PARN: variants seen among roughly 807,000 people sequenced by gnomAD.
The protein encoded by PARN is poly(A)-specific ribonuclease.
PARN carries 71 observed loss-of-function variants against 102.8 expected under a neutral mutation model. The ratio of observed to expected loss-of-function variants is 0.69; its 90% confidence interval spans 0.57 to 0.84. The LOEUF (loss-of-function observed/expected upper bound fraction) is 0.84, where lower values mean the gene tolerates loss of function less well. Among genes scored for constraint, PARN ranks in the 40% least tolerant of loss-of-function variants. PARN has a pLI of 0.00. For synonymous variants in PARN, 261 were observed against 252.9 expected (o/e 1.03, Z -0.30); for missense variants, 782 against 760.9 (o/e 1.03, Z -0.33).
chr16:14,463,123 C>G (rs1962089276), intron 22 of PARN, among the ~76,000 whole-genome samples: 1 of 152,190 alleles, frequency 6.6e-6, no homozygotes, highest in Non-Finnish European at 1.5e-5. Context: ...AACGCCTGTT[C>G]CCACCAGCTA....
chr16:14,604,351 C>A (rs1971061793), intron 10 of PARN, 125 bp from the exon 11 acceptor site: 2 of 630,586 alleles, frequency 3.2e-6, no homozygotes, highest in South Asian at 3.9e-5. Context: ...AACTCCGCCT[C>A]CTGGGTTCAA....
chr16:14,520,748 T>C (rs1965694990), intron 21 of PARN, among the ~76,000 whole-genome samples: 1 of 151,928 alleles, frequency 6.6e-6, no homozygotes, highest in South Asian at 2.1e-4. Context: ...TATTTCCCAG[T>C]GAATACAATA....
At chr16:14,625,321 A>G (rs1056851493) in intron 5 of PARN, among the ~76,000 whole-genome samples, 2 of 152,110 alleles carry the variant, frequency 1.3e-5, no homozygotes, top group Non-Finnish European at 2.9e-5. Flanking sequence ...AACATGGAGA[A>G]GCCTCACCTC....
rs1596657576 is a variant in PARN at position 14,555,713 on chromosome 16, C to T, written c.1263-4G>A. ...CATGACCCTCATAAGAAATAACCTA[C>T]AAGAAGAAAAGACAAACAAGTAATG... is the stretch of plus-strand genomic sequence containing the variant. On this transcript the variant is annotated splice_region_variant and splice_polypyrimidine_tract_variant and intron_variant, in intron 18 of 23. Coordinates refer to ENST00000437198, the MANE Select transcript of PARN (RefSeq NM_002582.4). The T allele has an allele frequency of 6.9e-7, 1 of 1,457,548 alleles. No homozygotes were observed. The highest frequency in any genetic ancestry group is 9.3e-7 in the Non-Finnish European group (1 of 1,072,914). The allele number at this position is 1,457,548 out of a possible 1,614,324, so 90.3% of individuals were successfully genotyped here.
chr16:14,586,712 A>G (rs1402445536), intron 13 of PARN, among the ~76,000 whole-genome samples: 1 of 152,228 alleles, frequency 6.6e-6, no homozygotes, highest in Admixed American at 6.5e-5. Context: ...AGTAATAGCT[A>G]ACAGGCTGCG....
intron 21 of PARN, among the ~76,000 whole-genome samples, chr16:14,490,649 A>AT (rs2151610128): frequency 6.6e-6 from 1 of 152,218 alleles, no homozygotes; most frequent in South Asian, 2.1e-4. Flanking sequence ...GCCTCTCCTT[A>AT]TTCCCCTCAG....
intron 20 of PARN, among the ~76,000 whole-genome samples, chr16:14,553,180 G>C (rs935636799): frequency 1.3e-5 from 2 of 148,766 alleles, no homozygotes; most frequent in African/African-American, 5.0e-5. Context: ...CACTTTGAGA[G>C]TCCGAGGCGG....
At chr16:14,451,271 T>C (rs901022406) in intron 22 of PARN, among the ~76,000 whole-genome samples, 2 of 152,240 alleles carry the variant, frequency 1.3e-5, no homozygotes, top group Admixed American at 1.3e-4. Context: ...TCCGGGAATG[T>C]TCCCAATCCC....
chr16:14,565,799 C>T (rs1968393189), intron 18 of PARN, among the ~76,000 whole-genome samples: 1 of 152,214 alleles, frequency 6.6e-6, no homozygotes, highest in South Asian at 2.1e-4. Context: ...TCTGCCACTC[C>T]TGGGGCCCTA....
intron 12 of PARN, 39 bp from the exon 13 acceptor site, chr16:14,593,417 C>T (rs759891290): frequency 1.2e-5 from 10 of 809,330 alleles, no homozygotes; most frequent in South Asian, 4.0e-5. Flanking sequence ...CTTCTACATT[C>T]GAAATTATAC....
chr16:14,611,221 C>T (rs2151798322), intron 6 of PARN, among the ~76,000 whole-genome samples: 1 of 152,256 alleles, frequency 6.6e-6, no homozygotes, highest in South Asian at 2.1e-4. Flanking sequence ...ATACCCAGAA[C>T]ATGGAAATGG....
chr16:14,599,995 T>A (rs1258019215), intron 11 of PARN, 35 bp from the exon 12 acceptor site: 1 of 1,194,200 alleles, frequency 8.4e-7, no homozygotes. Flanking sequence ...GTATTATTGA[T>A]GTATAAATAT....
intron 18 of PARN, among the ~76,000 whole-genome samples, chr16:14,573,055 A>AT (rs979255239): frequency 2.7e-5 from 4 of 150,860 alleles, no homozygotes; most frequent in African/African-American, 7.3e-5. Context: ...TTCCCAGCTA[A>AT]TTTTTTTTTA....
At chr16:14,613,732 T>C (rs1971678905) in intron 6 of PARN, among the ~76,000 whole-genome samples, 2 of 152,160 alleles carry the variant, frequency 1.3e-5, no homozygotes, top group East Asian at 1.9e-4. Context: ...GAACTATCAA[T>C]AGATGCTAAA....
At chr16:14,517,374 A>G (rs1029952546) in intron 21 of PARN, among the ~76,000 whole-genome samples, 1 of 152,210 alleles carries the variant, frequency 6.6e-6, no homozygotes, top group Non-Finnish European at 1.5e-5. Context: ...GAGGGGCCAC[A>G]TGGGGAGAGG....
intron 18 of PARN, among the ~76,000 whole-genome samples, chr16:14,560,275 T>C (rs772985010): frequency 6.6e-6 from 1 of 152,218 alleles, no homozygotes; most frequent in Non-Finnish European, 1.5e-5. Flanking sequence ...AGGACTTTCA[T>C]CTGCAGATAT....
At chr16:14,499,494 A>T (rs1011417625) in intron 21 of PARN, among the ~76,000 whole-genome samples, 2 of 152,248 alleles carry the variant, frequency 1.3e-5, no homozygotes, top group Non-Finnish European at 1.5e-5. Flanking sequence ...GGACATTAAA[A>T]GGATCTGTGA....
chr16:14,441,698 C>T (rs1960948449), intron 23 of PARN, among the ~76,000 whole-genome samples: 1 of 152,220 alleles, frequency 6.6e-6, no homozygotes, highest in Admixed American at 6.5e-5. Flanking sequence ...CACAGCAGCC[C>T]ACACCTCCTT....
At chr16:14,568,184 T>C (rs904306557) in intron 18 of PARN, among the ~76,000 whole-genome samples, 5 of 151,612 alleles carry the variant, frequency 3.3e-5, no homozygotes, top group Non-Finnish European at 7.4e-5. Flanking sequence ...ACCTCATCTC[T>C]ATGAAAAACT....
Sources: gnomAD v4.1 joint callset for allele counts (sites outside exome capture counted in the v4.1 genomes callset) on GRCh38, gnomAD v4.1.1 for gene constraint, MANE v1.5 for transcripts, NCBI Gene and HGNC (gene_info 2026-07-23, HGNC 2026-07-21) for gene names.